SYT11: variants seen among roughly 807,000 people sequenced by gnomAD.
SYT11 encodes synaptotagmin-11.
SYT11 carries 12 observed loss-of-function variants against 30.4 expected under a neutral mutation model. The ratio of observed to expected loss-of-function variants is 0.39; its 90% CI spans 0.25 to 0.64. The LOEUF (loss-of-function observed/expected upper bound fraction) is 0.64. SYT11 is among the 30% of genes least tolerant of loss of function. The probability of loss-of-function intolerance (pLI) is 0.45; values close to 1 mark genes in which losing one functional copy is unlikely to be tolerated. For missense variants in SYT11, 412 were observed against 552.0 expected, an observed-to-expected ratio of 0.75 and a Z score of 2.54; for synonymous variants, 204 against 216.0, an observed-to-expected ratio of 0.94 and a Z score of 0.49.
chr1:155,878,069 CCT>C (rs554155687), intron 2 of SYT11, among the ~76,000 whole-genome samples: 209 of 152,182 alleles, frequency 1.4e-3, no homozygotes, highest in African/African-American at 5.0e-3. Context: ...ATAGTGAGAC[CCT>C]GTCTTTACAA....
At chr1:155,879,485 AGATG>A (rs1446938625) in intron 2 of SYT11, among the ~76,000 whole-genome samples, 2 of 152,128 alleles carry the variant, frequency 1.3e-5, no homozygotes, top group African/African-American at 2.4e-5. Context: ...TCACATTTAA[AGATG>A]GAGAAACAAA....
intron 1 of SYT11, among the ~76,000 whole-genome samples, chr1:155,867,222 T>TA (rs1369034114): frequency 6.6e-6 from 1 of 152,082 alleles, no homozygotes; most frequent in Non-Finnish European, 1.5e-5. Flanking sequence ...CACGCCCAGC[T>TA]AATTTTTTAT....
chr1:155,865,577 G>A (rs918353894), intron 1 of SYT11, among the ~76,000 whole-genome samples: 1 of 151,332 alleles, frequency 6.6e-6, no homozygotes, highest in Non-Finnish European at 1.5e-5. Context: ...GCGGTGAGCC[G>A]TGATCGTGCC....
rs1207683036 is a variant in SYT11 at position 155,868,107 on chromosome 1, C to T, written c.177C>T (p.Leu59=). ...KNPPYKFIHM[L]KGISIYPETL... The stretch of plus-strand genomic sequence containing the variant: ...CACCATACAAGTTTATTCACATGCT[C>T]AAAGGCATCAGCATATACCCAGAGA... Residue 59 remains leucine, a synonymous_variant, in exon 2 of 4, where the codon CTC becomes CTT. Transcript: ENST00000368324. The surrounding 1 kb of genome is among the most constrained non-coding windows in gnomAD (Gnocchi z 4.7). 1.2e-6 allele frequency: 2 copies of T among 1,614,030 alleles called. No homozygotes were observed.
chr1:155,876,285 T>A (rs999803644), intron 2 of SYT11, among the ~76,000 whole-genome samples: 6 of 127,210 alleles, frequency 4.7e-5, no homozygotes, highest in Non-Finnish European at 8.0e-5. Context: ...TCGCTCCGTC[T>A]CCCAGGCTGG....
At chr1:155,870,398 T>C (rs1672763006) in intron 2 of SYT11, among the ~76,000 whole-genome samples, 1 of 152,236 alleles carries the variant, frequency 6.6e-6, no homozygotes, top group African/African-American at 2.4e-5. Context: ...TTCCTATTAT[T>C]AGTCAAGTTT....
At position 155,880,589 on chromosome 1, in the gene SYT11, C is replaced by T. The variant is rs1397367091; in HGVS notation, c.951C>T (p.His317=). Residue 317 remains histidine, a synonymous_variant, in exon 3 of 4, where the codon CAC becomes CAT. Transcript: ENST00000368324. The part of the protein sequence containing the change: ...RMTVVVLKAR[H]LPKMDITGLS... ...CAGTGGTGGTCCTCAAAGCCAGACACTTGCCGAAGATGGATATCACCGGTC... is the reference window on the plus strand; with the variant it reads ...CAGTGGTGGTCCTCAAAGCCAGACATTTGCCGAAGATGGATATCACCGGTC... The T allele has an allele frequency of 6.2e-7, 1 of 1,614,104 alleles. No homozygotes were observed. The highest frequency in any genetic ancestry group is 8.5e-7 in the Non-Finnish European group (1 of 1,179,974).
At chr1:155,867,482 A>G (rs1438808744) in intron 1 of SYT11, among the ~76,000 whole-genome samples, 2 of 152,070 alleles carry the variant, frequency 1.3e-5, no homozygotes, top group African/African-American at 4.8e-5. Context: ...AGACCATCTA[A>G]ACTCATCTCC....
chr1:155,875,591 C>CG (rs1391972697), intron 2 of SYT11, among the ~76,000 whole-genome samples: 1 of 151,996 alleles, frequency 6.6e-6, no homozygotes. Flanking sequence ...TTTTAGTAGA[C>CG]GGGGTTTTAC....
chr1:155,875,404 G>C (rs2102563160), intron 2 of SYT11, among the ~76,000 whole-genome samples: 1 of 151,910 alleles, frequency 6.6e-6, no homozygotes, highest in East Asian at 1.9e-4. Context: ...TTAAACCTTG[G>C]TTAGATTTTT....
At chr1:155,877,224 T>C (rs1294503527) in intron 2 of SYT11, among the ~76,000 whole-genome samples, 2 of 152,080 alleles carry the variant, frequency 1.3e-5, no homozygotes. Context: ...CACCTCAGCC[T>C]CCCAAATTGC....
At chr1:155,865,608 A>G (rs1672659980) in intron 1 of SYT11, among the ~76,000 whole-genome samples, 1 of 151,952 alleles carries the variant, frequency 6.6e-6, no homozygotes, top group Non-Finnish European at 1.5e-5. Context: ...AGCCTGGGCA[A>G]CAAGAGCAAA....
chr1:155,876,812 G>A (rs990310406), intron 2 of SYT11, among the ~76,000 whole-genome samples: 7 of 151,946 alleles, frequency 4.6e-5, no homozygotes, highest in African/African-American at 7.3e-5. Context: ...TTGAGATGGA[G>A]TCTCACTCTG....
Position 155,868,086 on chromosome 1 carries a change from A to G in SYT11, c.156A>G (p.Pro52=). The G allele has an allele frequency of 6.2e-7, 1 of 1,614,038 alleles. No individual in the cohort carries two copies. The highest frequency in any genetic ancestry group is 8.5e-7 in the Non-Finnish European group (1 of 1,179,998). The change falls in exon 2 of 4, where the codon CCA becomes CCG. Residue 52 remains proline (P), a synonymous_variant. Coordinates refer to ENST00000368324, the MANE Select transcript of SYT11 (RefSeq NM_152280.5). This position sits in a 1 kb window ranked among gnomAD's most constrained non-coding sequence, Gnocchi z 4.7. ...QQAEKKQKNP[P]YKFIHMLKGI... ...CAGAGAAGAAGCAGAAGAACCCACC[A>G]TACAAGTTTATTCACATGCTCAAAG...
chr1:155,871,089 G>A (rs866895096), intron 2 of SYT11, among the ~76,000 whole-genome samples: 5 of 152,140 alleles, frequency 3.3e-5, no homozygotes, highest in South Asian at 2.1e-4. Context: ...CTTGGTGAAC[G>A]TCAGAGCATA....
Position 155,882,645 on chromosome 1 carries a change from G to T in SYT11, c.*1137G>T, listed in dbSNP as rs1224501277. The stretch of plus-strand genomic sequence containing the variant: ...TTTGGAAACTTCAAATTCAGCTATA[G>T]GATAGTACCAATGAACACATCCAGC... On this transcript the variant is annotated 3_prime_UTR_variant, in exon 4 of 4. Transcript: ENST00000368324. 6.6e-6 allele frequency: 1 copy of T among 152,260 alleles called. No homozygotes were observed. Among genetic ancestry groups the T allele is most frequent in the Non-Finnish European group, 1.5e-5 (1 of 68,024 alleles). The allele number at this position is 152,260 out of a possible 1,614,324, so 9.4% of individuals were successfully genotyped here. A position where few individuals can be genotyped will look rare whatever the true frequency, so the allele number is the denominator to read the frequency against.
intron 2 of SYT11, among the ~76,000 whole-genome samples, chr1:155,879,110 A>G (rs950306157): frequency 6.6e-6 from 1 of 151,684 alleles, no homozygotes; most frequent in Non-Finnish European, 1.5e-5. Flanking sequence ...GCCTATGAAA[A>G]TGTTCTTTAA....
intron 1 of SYT11, among the ~76,000 whole-genome samples, chr1:155,862,303 T>C (rs1301875507): frequency 6.6e-6 from 1 of 152,228 alleles, no homozygotes; most frequent in Non-Finnish European, 1.5e-5. Flanking sequence ...AGCCATTAGT[T>C]TCAACTTCCA....
In SYT11 at chr1:155,860,647, C is replaced by G. The variant is rs912098039; in HGVS notation, c.34+852C>G. On this transcript the variant is annotated intron_variant, in intron 1 of 3. Coordinates refer to ENST00000368324, the MANE Select transcript of SYT11 (RefSeq NM_152280.5). This position sits in a 1 kb window ranked among gnomAD's most constrained non-coding sequence, Gnocchi z 4.1. ...GAAAGAGGCCCAGCCCGGGGGAGGC[C>G]GCTTTGTGTACCGCAGAAAGCATTA... 1.3e-5 allele frequency among the ~76,000 whole-genome samples: 2 copies of G among 152,162 alleles called. No individual in the cohort carries two copies. The highest frequency in any genetic ancestry group is 2.9e-5 in the Non-Finnish European group (2 of 68,020).
Sources: allele counts gnomAD v4.1 joint callset (sites outside exome capture counted in the v4.1 genomes callset), GRCh38; gene constraint gnomAD v4.1.1; non-coding constraint Gnocchi (gnomAD v3.1); transcripts MANE v1.5; gene names NCBI Gene and HGNC (gene_info 2026-07-23, HGNC 2026-07-21).